The following GDF1 variants were observed in gnomAD, a reference collection of about 807,000 sequenced individuals.
GDF1 encodes embryonic growth/differentiation factor 1.
In GDF1, 8 loss-of-function variants were observed where a neutral mutation model predicts 7.4. The ratio of observed to expected loss-of-function variants is 1.09; its 90% CI spans 0.64 to 1.96. The LOEUF is 1.96. GDF1 is among the 30% of genes most tolerant of loss of function. The pLI is 0.00. For missense variants in GDF1, 574 were observed against 551.5 expected (o/e 1.04, Z -0.41); for synonymous variants, 311 against 276.7 (o/e 1.12, Z -1.23).
intron 6 of GDF1, among the ~76,000 whole-genome samples, chr19:18,872,705 G>C (rs373705100): frequency 2.0e-5 from 3 of 151,726 alleles, no homozygotes; most frequent in African/African-American, 4.8e-5. Context: ...TAGTAGAGAT[G>C]CGGTTTTACC....
chr19:18,889,380 G>T (rs1482660853), intron 2 of GDF1, among the ~76,000 whole-genome samples: 2 of 151,974 alleles, frequency 1.3e-5, no homozygotes. Flanking sequence ...CCACAGGATA[G>T]GGGGGAAGTC....
Position 18,870,028 on chromosome 19 carries a change from C to T in GDF1, c.280G>A (p.Glu94Lys). ...ACGATGTTTCCGGCGACCCCCAGCTCCTCCACGTGGCACGGTTGCAGGGTG... is the reference window on the plus strand; with the variant it reads ...ACGATGTTTCCGGCGACCCCCAGCTTCTCCACGTGGCACGGTTGCAGGGTG... ...GVTLQPCHVE[E>K]LGVAGNIVRH... Residue 94 changes from glutamate (E) to lysine (K), a missense_variant, in exon 7 of 8, where the codon GAG (glutamate) becomes AAG (lysine). By Grantham distance (56) the Glu-to-Lys change is moderately conservative (BLOSUM62 1). Coordinates refer to ENST00000247005, the MANE Select transcript of GDF1 (RefSeq NM_001492.6). This position sits in a 1 kb window ranked among gnomAD's most constrained non-coding sequence, Gnocchi z 5.1. 6.3e-7 allele frequency: 1 copy of T among 1,597,372 alleles called. No homozygotes were observed. The highest frequency in any genetic ancestry group is 8.5e-7 in the Non-Finnish European group (1 of 1,174,434).
chr19:18,872,160 C>T (rs745467889), intron 6 of GDF1, among the ~76,000 whole-genome samples: 1 of 152,232 alleles, frequency 6.6e-6, no homozygotes, highest in Non-Finnish European at 1.5e-5. Context: ...TTAGCATCCT[C>T]GGTGATGGGT....
chr19:18,870,679 T>C lies in GDF1; in HGVS notation c.-312-60A>G. On this transcript the variant is annotated intron_variant, in intron 6 of 7. Coordinates refer to ENST00000247005, the MANE Select transcript of GDF1 (RefSeq NM_001492.6). The surrounding 1 kb of genome is among the most constrained non-coding windows in gnomAD (Gnocchi z 5.1). ...GCCCCACGCGGCCGCCTGGCCCTCT[T>C]TCCCGCTTCTTCTCTGGCCGTTTCA... 3.9e-6 allele frequency: 2 copies of C among 507,526 alleles called. No homozygotes were observed. The highest frequency in any genetic ancestry group is 3.5e-5 in the South Asian group (1 of 28,958). 31.4% of individuals were successfully genotyped at this position (507,526 alleles called of 1,614,324 possible). A position where few individuals can be genotyped will look rare whatever the true frequency, so the allele number is the denominator to read the frequency against.
intron 6 of GDF1, among the ~76,000 whole-genome samples, chr19:18,873,573 G>C (rs553183529): frequency 1.3e-5 from 2 of 151,838 alleles, no homozygotes; most frequent in Admixed American, 6.6e-5. Flanking sequence ...CATGGTGGCT[G>C]ATACCTGTAA....
At chr19:18,888,161 A>G (rs1293340291) in intron 2 of GDF1, among the ~76,000 whole-genome samples, 1 of 152,102 alleles carries the variant, frequency 6.6e-6, no homozygotes, top group Admixed American at 6.6e-5. Flanking sequence ...GAAGTTCAAG[A>G]CCAGCCTGGC....
rs746505282 is a variant in GDF1 at position 18,884,165 on chromosome 19, G to A, written c.-811C>T. The A allele has an allele frequency of 5.8e-5, 93 of 1,613,640 alleles. No individual in the cohort carries two copies. The highest frequency in any genetic ancestry group is 7.9e-5 in the Non-Finnish European group (93 of 1,179,854). On this transcript the variant is annotated 5_prime_UTR_variant, in exon 3 of 8. Transcript: ENST00000247005. ...CATGACCACCGAGTCCTTGCGCCAGGTGTCCATGTATAGCGTAGCGTAGAT... is the reference window on the plus strand; with the variant it reads ...CATGACCACCGAGTCCTTGCGCCAGATGTCCATGTATAGCGTAGCGTAGAT...
chr19:18,871,828 C>G (rs1206037406), intron 6 of GDF1, among the ~76,000 whole-genome samples: 1 of 152,170 alleles, frequency 6.6e-6, no homozygotes, highest in Admixed American at 6.5e-5. Flanking sequence ...TCCTTGAGAC[C>G]GTGAGTGGCG....
Position 18,895,212 on chromosome 19 carries a change from G to T in GDF1, c.-1074+612C>A, listed in dbSNP as rs2056595501. Among the ~76,000 whole-genome samples the T allele has an allele frequency of 6.6e-6, 1 of 152,244 alleles. No homozygotes were observed. Among genetic ancestry groups the T allele is most frequent in the African/African-American group, 2.4e-5 (1 of 41,470 alleles). On this transcript the variant is annotated intron_variant, in intron 1 of 7. Transcript: ENST00000247005. This position sits in a 1 kb window ranked among gnomAD's most constrained non-coding sequence, Gnocchi z 6.4. ...GGAGGGTGGCGCTGACCCCAGATAG[G>T]CACAAGGCAGCGACCGGGCAGCTCC...
At chr19:18,880,585 A>C in intron 3 of GDF1, 150 bp from the exon 4 acceptor site, 1 of 707,416 alleles carries the variant, frequency 1.4e-6, no homozygotes, top group Non-Finnish European at 2.2e-6. Flanking sequence ...TGCCCTGCCC[A>C]TCTCCACTTC....
chr19:18,868,865 C>T lies in GDF1; in HGVS notation c.851G>A (p.Trp284Ter), dbSNP rs2145985085. ...CAGGAAGCCGCGCGGCGCGATGACC[C>T]AGCGGTGCCAGCCCACCTCGCGGAA... The part of the protein sequence containing the change: ...VSFREVGWHR[W>*]VIAPRGFLAN... The change falls in exon 8 of 8, where the codon TGG becomes TAG. Residue 284 changes from tryptophan to a stop codon, truncating the protein, a stop_gained. Transcript: ENST00000247005. LOFTEE classifies it low-confidence loss of function (END_TRUNC). The T allele has an allele frequency of 1.4e-6, 2 of 1,440,972 alleles. No homozygotes were observed. The highest frequency in any genetic ancestry group is 1.8e-6 in the Non-Finnish European group (2 of 1,089,720). 89.3% of individuals were successfully genotyped at this position (1,440,972 alleles called of 1,614,324 possible).
chr19:18,878,837 TCTG>T lies in GDF1; in HGVS notation c.-313+90_-313+92del. On this transcript the variant is annotated intron_variant, in intron 6 of 7. Transcript: ENST00000247005. This position sits in a 1 kb window ranked among gnomAD's most constrained non-coding sequence, Gnocchi z 4.6. Reference sequence around the variant, plus strand: ...GGGGGCAGCATCCGCGTCGGCCTCATCTGCTGCTGGGTCTTGGGGGCCTGCCCA... The same window carrying T: ...GGGGGCAGCATCCGCGTCGGCCTCATCTGCTGGGTCTTGGGGGCCTGCCCA... The T allele has an allele frequency of 6.5e-7, 1 of 1,540,024 alleles. No homozygotes were observed.
intron 7 of GDF1, 139 bp downstream of exon 7, chr19:18,869,844 G>T: frequency 1.3e-6 from 1 of 782,322 alleles, no homozygotes. Flanking sequence ...GGTGAGGTGC[G>T]GTGGCCGAAG....
chr19:18,890,799 A>G (rs1339795368), intron 2 of GDF1, among the ~76,000 whole-genome samples: 1 of 150,416 alleles, frequency 6.6e-6, no homozygotes, highest in Non-Finnish European at 1.5e-5. Context: ...AAAAAAAAAA[A>G]AAAAGCAGCT....
At chr19:18,894,065 G>C (rs2056564056) in intron 1 of GDF1, among the ~76,000 whole-genome samples, 3 of 151,244 alleles carry the variant, frequency 2.0e-5, no homozygotes, top group Admixed American at 2.0e-4. Context: ...AGGGCTGGGA[G>C]AGACTAGGGG....
Position 18,879,194 on chromosome 19 carries a change from G to A in GDF1, c.-423+47C>T, listed in dbSNP as rs779488554. 82 of 1,610,442 alleles carry A rather than the reference G, an allele frequency of 5.1e-5. 1 individual carries two copies. Among genetic ancestry groups the A allele is most frequent in the Admixed American group, 3.7e-4 (22 of 59,890 alleles). On this transcript the variant is annotated intron_variant, in intron 5 of 7. Transcript: ENST00000247005. ...TGCCTGAGGAGGGGACAGGGATTGGGACGAGGACGGGACCGCCACTGTGGA... is the reference window on the plus strand; with the variant it reads ...TGCCTGAGGAGGGGACAGGGATTGGAACGAGGACGGGACCGCCACTGTGGA...
At position 18,878,989 on chromosome 19, in the gene GDF1, C is replaced by T. The variant is rs769106795; in HGVS notation, c.-372G>A. Reference sequence around the variant, plus strand: ...CTGTGTCATACTCCCGCAGGTCCTTCAGCTCGTGCACCTGGCCTGTCAACA... The same window carrying T: ...CTGTGTCATACTCCCGCAGGTCCTTTAGCTCGTGCACCTGGCCTGTCAACA... On this transcript the variant is annotated 5_prime_UTR_variant, in exon 6 of 8. Transcript: ENST00000247005. This position sits in a 1 kb window ranked among gnomAD's most constrained non-coding sequence, Gnocchi z 4.6. 8.1e-6 allele frequency: 13 copies of T among 1,613,734 alleles called. No individual in the cohort carries two copies. The highest frequency in any genetic ancestry group is 1.0e-5 in the Non-Finnish European group (12 of 1,179,854).
rs774860884 is a variant in GDF1 at position 18,880,294 on chromosome 19, G to A, written c.-591C>T. 29 of 1,551,460 alleles carry A rather than the reference G, an allele frequency of 1.9e-5. No homozygotes were observed. The South Asian group carries it at 2.3e-4, about 12-fold the overall frequency. On this transcript the variant is annotated 5_prime_UTR_variant, in exon 4 of 8. Transcript: ENST00000247005. Reference sequence around the variant, plus strand: ...CTCACCAGCTGAAGCCGAAGCTGAGGCAGCCCAAGTCTGCTGCCAAGGCAT... The same window carrying A: ...CTCACCAGCTGAAGCCGAAGCTGAGACAGCCCAAGTCTGCTGCCAAGGCAT...
intron 3 of GDF1, among the ~76,000 whole-genome samples, chr19:18,880,847 A>C (rs1013631533): frequency 6.6e-6 from 1 of 152,048 alleles, no homozygotes; most frequent in Non-Finnish European, 1.5e-5. Context: ...ACAGGAAAGC[A>C]ACACCACACA....
Sources: gnomAD v4.1 joint callset for allele counts (sites outside exome capture counted in the v4.1 genomes callset) on GRCh38, gnomAD v4.1.1 for gene constraint, Gnocchi (gnomAD v3.1) non-coding constraint, MANE v1.5 for transcripts, NCBI Gene and HGNC (gene_info 2026-07-23, HGNC 2026-07-21) for gene names.